CYB5R2: variants seen among roughly 807,000 people sequenced by gnomAD.
CYB5R2 encodes NADH-cytochrome b5 reductase 2.
CYB5R2 carries 35 observed loss-of-function variants against 29.8 expected under a neutral mutation model. The observed-to-expected ratio is 1.17, with a 90% CI of 0.90 to 1.56. CYB5R2 has a LOEUF of 1.56. CYB5R2 is among the 40% of genes most tolerant of loss of function. CYB5R2 has a pLI of 0.00. For synonymous variants in CYB5R2, 169 were observed against 130.6 expected (o/e 1.29, Z -2.01); for missense variants, 419 against 346.7 (o/e 1.21, Z -1.66).
chr11:7,669,159 G>C, intron 5 of CYB5R2, 46 bp downstream of exon 5: 2 of 1,612,432 alleles, frequency 1.2e-6, no homozygotes, highest in Admixed American at 1.7e-5. Flanking sequence ...ACCATTGCAG[G>C]AATCTTCCTC....
chr11:7,665,794 A>T, intron 8 of CYB5R2: 1 of 1,492,258 alleles, frequency 6.7e-7, no homozygotes. Context: ...AGCTGTCAGC[A>T]TTGACGAGGA....
In CYB5R2 at chr11:7,666,341, C is replaced by T. The variant is rs1855214464; in HGVS notation, c.658+110G>A. The T allele has an allele frequency of 8.4e-6, 6 of 714,446 alleles. No homozygotes were observed. The South Asian group carries it at 1.1e-4, about 13-fold the overall frequency. The allele number at this position is 714,446 out of a possible 1,614,324, so 44.3% of individuals were successfully genotyped here. ...GGAGCCAGAGCCCCAGGCTTAACCC[C>T]CACATCTGGTCCTACAAAACTAAAA... is the stretch of plus-strand genomic sequence containing the variant. On this transcript the variant is annotated intron_variant, in intron 8 of 8. Coordinates refer to ENST00000299498, the MANE Select transcript of CYB5R2 (RefSeq NM_016229.5).
At chr11:7,672,555 A>G (rs1337750177) in intron 2 of CYB5R2, 32 bp from the exon 3 acceptor site, 7 of 1,609,276 alleles carry the variant, frequency 4.3e-6, no homozygotes, top group Non-Finnish European at 6.0e-6. Context: ...AGGTTCTGTC[A>G]GCTTTCTAGA....
At chr11:7,669,813 A>G in intron 3 of CYB5R2, 82 bp from the exon 4 acceptor site, 1 of 1,007,526 alleles carries the variant, frequency 9.9e-7, no homozygotes, top group Non-Finnish European at 1.6e-6. Context: ...GCTTCAGTGA[A>G]GGGAGCAAAT....
upstream of CYB5R2, chr11:7,674,127 C>T: frequency 1.6e-6 from 2 of 1,215,028 alleles, no homozygotes; most frequent in Non-Finnish European, 2.1e-6. Context: ...CTCGGCAAGG[C>T]TGGAGAAGGC....
At chr11:7,668,973 T>C (rs1225148030) in intron 5 of CYB5R2, 1 of 670,116 alleles carries the variant, frequency 1.5e-6, no homozygotes, top group Admixed American at 2.1e-5. Flanking sequence ...CTGGAGATTT[T>C]GATACAATGA....
At chr11:7,666,815 A>G (rs977360575) in intron 7 of CYB5R2, 3 of 322,736 alleles carry the variant, frequency 9.3e-6, no homozygotes, top group South Asian at 7.2e-5. Flanking sequence ...TCCAACTAGA[A>G]GGACCTTAGC....
Position 7,669,657 on chromosome 11 carries a change from C to CATCA in CYB5R2, c.222_225dup (p.Asp76Ter), listed in dbSNP as rs775931670. 6.2e-7 allele frequency: 1 copy of CATCA among 1,610,282 alleles called. No individual in the cohort carries two copies. Among genetic ancestry groups the CATCA allele is most frequent in the Non-Finnish European group, 8.5e-7 (1 of 1,178,608 alleles). On this transcript the variant is annotated stop_gained and frameshift_variant, in exon 4 of 9. Coordinates refer to ENST00000299498, the MANE Select transcript of CYB5R2 (RefSeq NM_016229.5). LOFTEE classifies it high-confidence loss of function. ...ATTAGGTCCACAAAGCCTCTGTCATCATCACTGGAGACAGGGGTGTAAGCC... is the reference window on the plus strand; with the variant it reads ...ATTAGGTCCACAAAGCCTCTGTCATCATCAATCACTGGAGACAGGGGTGTAAGCC...
chr11:7,671,264 C>G (rs936373293), intron 3 of CYB5R2: 1 of 152,282 alleles, frequency 6.6e-6, no homozygotes, highest in Admixed American at 6.5e-5. Flanking sequence ...AGGGTGTCCC[C>G]AGGGCAAATG....
intron 6 of CYB5R2, 77 bp from the exon 7 acceptor site, chr11:7,667,890 T>C (rs1855421615): frequency 8.6e-7 from 1 of 1,160,382 alleles, no homozygotes; most frequent in Middle Eastern, 1.9e-4. Flanking sequence ...GCAAGCTTCA[T>C]ACCTTCCCCC....
chr11:7,672,122 T>A (rs112444238), intron 3 of CYB5R2: 1 of 280,064 alleles, frequency 3.6e-6, no homozygotes, highest in Non-Finnish European at 6.7e-6. Context: ...TCCCATTTCA[T>A]AGACTGAGGC....
intron 3 of CYB5R2, chr11:7,671,178 C>A (rs1259011829): frequency 6.6e-6 from 1 of 152,408 alleles, no homozygotes; most frequent in Non-Finnish European, 1.5e-5. Context: ...AAGTGAGACA[C>A]CTAGCTTCCT....
At position 7,669,260 on chromosome 11, in the gene CYB5R2, GATTTTCATGTTCTC is replaced by G; in HGVS notation, c.319_332del (p.Glu107ArgfsTer30). 5.6e-6 allele frequency: 9 copies of G among 1,614,094 alleles called. No homozygotes were observed. Among genetic ancestry groups the G allele is most frequent in the Non-Finnish European group, 7.6e-6 (9 of 1,179,986 alleles). ...GCCCTCGAAAAAAGATGGTCTCCCC[GATTTTCATGTTCTC>G]CAAATACTGAGTCATCTTCCCACCT... is the stretch of plus-strand genomic sequence containing the variant. On this transcript the variant is annotated frameshift_variant, in exon 5 of 9. Transcript: ENST00000299498. LOFTEE classifies it high-confidence loss of function.
In CYB5R2 at chr11:7,669,667, G is replaced by T; in HGVS notation, c.216C>A (p.Val72=). 6.2e-7 allele frequency: 1 copy of T among 1,612,994 alleles called. No homozygotes were observed. The highest frequency in any genetic ancestry group is 8.5e-7 in the Non-Finnish European group (1 of 1,179,466). ...CAAAGCCTCTGTCATCATCACTGGA[G>T]ACAGGGGTGTAAGCCCTGACCACCA... ...NELVVRAYTP[V]SSDDDRGFVD... is the part of the protein sequence containing the mutation. Residue 72 remains valine (V), a synonymous_variant, in exon 4 of 9, where the codon GTC becomes GTA. Coordinates refer to ENST00000299498, the MANE Select transcript of CYB5R2 (RefSeq NM_016229.5).
chr11:7,673,547 G>T (rs868227491), upstream of CYB5R2: 34 of 983,724 alleles, frequency 3.5e-5, no homozygotes, highest in African/African-American at 3.7e-4. Context: ...CGCCCTTCGC[G>T]GTCCCGCCCA....
intron 8 of CYB5R2, chr11:7,665,771 G>C: frequency 7.0e-7 from 1 of 1,423,906 alleles, no homozygotes; most frequent in Admixed American, 2.0e-5. Flanking sequence ...CTGAAGCCCT[G>C]CTGCTGTCTG....
intron 6 of CYB5R2, among the ~76,000 whole-genome samples, chr11:7,668,075 C>T (rs192870726): frequency 1.3e-4 from 20 of 152,184 alleles, no homozygotes; most frequent in Non-Finnish European, 2.4e-4. Context: ...CAAACAATGA[C>T]GGGTAAATGT....
Position 7,667,777 on chromosome 11 carries a change from G to C in CYB5R2, c.509C>G (p.Thr170Ser). The C allele has an allele frequency of 6.2e-7, 1 of 1,614,194 alleles. No homozygotes were observed. The highest frequency in any genetic ancestry group is 1.1e-5 in the South Asian group (1 of 91,084). The change falls in exon 7 of 9, where the codon ACC (threonine) becomes AGC (serine). Residue 170 changes from threonine to serine, a missense_variant. Coordinates refer to ENST00000299498, the MANE Select transcript of CYB5R2 (RefSeq NM_016229.5). Reference sequence around the variant, plus strand: ...CCTGGTCCTGTCACTGGGGTCCTTGGTGATGTGGCGAATGAGCTGCAACAT... The same window carrying C: ...CCTGGTCCTGTCACTGGGGTCCTTGCTGATGTGGCGAATGAGCTGCAACAT... ...TPMLQLIRHI[T>S]KDPSDRTRMS...
chr11:7,670,675 A>G (rs1855674264), intron 3 of CYB5R2: 1 of 152,238 alleles, frequency 6.6e-6, no homozygotes, highest in South Asian at 2.1e-4. Flanking sequence ...AGGTGTGGCC[A>G]GAGACCTATG....
Sources: allele counts gnomAD v4.1 joint callset (sites outside exome capture counted in the v4.1 genomes callset), GRCh38; gene constraint gnomAD v4.1.1; transcripts MANE v1.5; gene names NCBI Gene and HGNC (gene_info 2026-07-23, HGNC 2026-07-21).